The following GLI2 variants were observed in gnomAD, a reference collection of about 807,000 sequenced individuals.
GLI2 encodes the protein transcription activator GLI2.
In GLI2, 22 loss-of-function variants were observed where a neutral mutation model predicts 78.9. The observed-to-expected ratio is 0.28, with a 90% CI of 0.20 to 0.40. The LOEUF (loss-of-function observed/expected upper bound fraction) is 0.40. GLI2 is among the 10% of genes least tolerant of loss of function. The probability of loss-of-function intolerance (pLI) is 1.00; values close to 1 mark genes in which losing one functional copy is unlikely to be tolerated. For missense variants in GLI2, 2,097 were observed against 2,213.2 expected (o/e 0.95, Z 1.05); for synonymous variants, 974 against 963.7 (o/e 1.01, Z -0.20).
At chr2:120,835,058 T>G (rs1360935602) in intron 2 of GLI2, among the ~76,000 whole-genome samples, 3 of 152,144 alleles carry the variant, frequency 2.0e-5, no homozygotes, top group Non-Finnish European at 4.4e-5. Flanking sequence ...ATTGACTGGT[T>G]TTTGACAAAC....
At chr2:120,893,224 T>A (rs916835443) in intron 2 of GLI2, among the ~76,000 whole-genome samples, 1 of 152,218 alleles carries the variant, frequency 6.6e-6, no homozygotes, top group Non-Finnish European at 1.5e-5. Context: ...GTTTTTGTCC[T>A]TGTTGTTGGA....
In GLI2 at chr2:120,907,930, G is replaced by A. The variant is rs1158894667; in HGVS notation, c.149-19431G>A. ...CATGGGAAAGCAATCTTACTATCAG[G>A]AACGATGCAGCTGTGATGGGTGCTG... On this transcript the variant is annotated intron_variant, in intron 2 of 13. Coordinates refer to ENST00000361492, the MANE Select transcript of GLI2 (RefSeq NM_001374353.1). Among the ~76,000 whole-genome samples the A allele has an allele frequency of 3.3e-5, 5 of 152,324 alleles. No individual in the cohort carries two copies. The East Asian group carries it at 9.6e-4, about 29-fold the overall frequency.
intron 2 of GLI2, among the ~76,000 whole-genome samples, chr2:120,850,296 GAGAACAGAAC>G (rs36215027): frequency 5.3e-5 from 8 of 151,146 alleles, no homozygotes; most frequent in Admixed American, 2.0e-4. Context: ...TAGAGAAGGG[GAGAACAGAAC>G]AGAACAGAAC....
chr2:120,951,455 G>T lies in GLI2; in HGVS notation c.457+10G>T, dbSNP rs753222623. On this transcript the variant is annotated intron_variant, in intron 4 of 13. Coordinates refer to ENST00000361492, the MANE Select transcript of GLI2 (RefSeq NM_001374353.1). ...CTCAGCCCCGCTGATGGTGAGTAGG[G>T]TGTGGGGATGGGGAGGGGCAGCTAG... 1.9e-6 allele frequency: 3 copies of T among 1,588,312 alleles called. No individual in the cohort carries two copies. Among genetic ancestry groups the T allele is most frequent in the Non-Finnish European group, 2.6e-6 (3 of 1,159,100 alleles).
At chr2:120,854,118 A>G (rs906202049) in intron 2 of GLI2, among the ~76,000 whole-genome samples, 2 of 152,152 alleles carry the variant, frequency 1.3e-5, no homozygotes, top group African/African-American at 4.8e-5. Flanking sequence ...ACCAGCCAAG[A>G]GTGTAGGAGT....
chr2:120,887,860 C>T (rs553253620), intron 2 of GLI2, among the ~76,000 whole-genome samples: 8 of 152,342 alleles, frequency 5.3e-5, no homozygotes, highest in Non-Finnish European at 8.8e-5. Flanking sequence ...GGGATCCTAA[C>T]GCAGTGCTAG....
intron 2 of GLI2, among the ~76,000 whole-genome samples, chr2:120,924,188 T>A (rs1322801970): frequency 6.6e-6 from 1 of 152,196 alleles, no homozygotes; most frequent in East Asian, 1.9e-4. Flanking sequence ...TGCAGCTTCC[T>A]GGGGTCGCTG....
rs756624713 is a variant in GLI2 at position 120,988,272 on chromosome 2, G to T, written c.2307G>T (p.Pro769=). 5 of 1,568,670 alleles carry T rather than the reference G, an allele frequency of 3.2e-6. No homozygotes were observed. Among genetic ancestry groups the T allele is most frequent in the South Asian group, 1.2e-5 (1 of 86,620 alleles). ...GGGPAGLLPN[P]RLSELSASEV... ...GGCCCGCGGGGCTGCTGCCGAACCCGCGGCTGTCGGAGCTGTCCGCGAGCG... is the reference window on the plus strand; with the variant it reads ...GGCCCGCGGGGCTGCTGCCGAACCCTCGGCTGTCGGAGCTGTCCGCGAGCG... Residue 769 remains proline, a synonymous_variant, in exon 14 of 14, where the codon CCG becomes CCT. Coordinates refer to ENST00000361492, the MANE Select transcript of GLI2 (RefSeq NM_001374353.1).
chr2:120,948,923 C>T (rs1262022765), intron 3 of GLI2, among the ~76,000 whole-genome samples: 1 of 152,164 alleles, frequency 6.6e-6, no homozygotes, highest in African/African-American at 2.4e-5. Flanking sequence ...GGACAGAAGG[C>T]ACCTTAGCTA....
intron 9 of GLI2, 131 bp downstream of exon 9, chr2:120,975,240 TC>T: frequency 1.2e-6 from 1 of 802,612 alleles, no homozygotes; most frequent in South Asian, 1.7e-5. Context: ...CTGGGCCACA[TC>T]CCCTGCAAGT....
At chr2:120,760,311 G>C (rs895066537) in intron 1 of GLI2, among the ~76,000 whole-genome samples, 1 of 152,154 alleles carries the variant, frequency 6.6e-6, no homozygotes, top group Admixed American at 6.5e-5. Context: ...CAGTGGAGTG[G>C]TCTTATGTGG....
chr2:120,786,310 G>A (rs761072042), intron 1 of GLI2, among the ~76,000 whole-genome samples: 2 of 152,118 alleles, frequency 1.3e-5, no homozygotes, highest in East Asian at 1.9e-4. Context: ...ACTTGGTGTC[G>A]GTTGGATCAC....
chr2:120,874,484 GCTTCT>G (rs1418864183), intron 2 of GLI2, among the ~76,000 whole-genome samples: 4 of 152,216 alleles, frequency 2.6e-5, no homozygotes, highest in African/African-American at 9.6e-5. Context: ...AGCCATGCTG[GCTTCT>G]CCCTGCGTCA....
Position 120,760,103 on chromosome 2 carries a change from G to A in GLI2, c.-31+23818G>A, listed in dbSNP as rs140055412. Among the ~76,000 whole-genome samples, 854 of 152,342 alleles carry A rather than the reference G, an allele frequency of 5.6e-3. 6 individuals are homozygous for A. The highest frequency in any genetic ancestry group is 0.019 in the African/African-American group (795 of 41,578). Reference sequence around the variant, plus strand: ...ATCCCCCGGCCTCCCTCCCTGCAGTGTTGGGTAAACCTCCCAGGGGCAGGG... The same window carrying A: ...ATCCCCCGGCCTCCCTCCCTGCAGTATTGGGTAAACCTCCCAGGGGCAGGG... On this transcript the variant is annotated intron_variant, in intron 1 of 13. Coordinates refer to ENST00000361492, the MANE Select transcript of GLI2 (RefSeq NM_001374353.1).
intron 13 of GLI2, among the ~76,000 whole-genome samples, chr2:120,988,007 C>T (rs1179449097): frequency 6.6e-6 from 1 of 152,196 alleles, no homozygotes; most frequent in Non-Finnish European, 1.5e-5. Flanking sequence ...GAGGGAGGAT[C>T]CCTTGAGCCC....
chr2:120,880,040 G>A (rs148461458), intron 2 of GLI2, among the ~76,000 whole-genome samples: 2 of 152,292 alleles, frequency 1.3e-5, no homozygotes, highest in African/African-American at 2.4e-5. Flanking sequence ...CAGAGGTGCC[G>A]CTTCAAGCTG....
At chr2:120,784,028 C>T (rs1022306142) in intron 1 of GLI2, among the ~76,000 whole-genome samples, 3 of 152,148 alleles carry the variant, frequency 2.0e-5, no homozygotes, top group Non-Finnish European at 2.9e-5. Flanking sequence ...TTAAACATCC[C>T]GTTACCAGCT....
At chr2:120,925,408 C>G (rs1410736081) in intron 2 of GLI2, among the ~76,000 whole-genome samples, 1 of 152,040 alleles carries the variant, frequency 6.6e-6, no homozygotes, top group Non-Finnish European at 1.5e-5. Flanking sequence ...TGTGTTCAAC[C>G]CAAGCATCCA....
At chr2:120,743,328 T>G (rs1256193146) in intron 1 of GLI2, among the ~76,000 whole-genome samples, 1 of 152,128 alleles carries the variant, frequency 6.6e-6, no homozygotes. Context: ...CTTTGCTAGT[T>G]AAGACCATCT....
Sources: gnomAD v4.1 joint callset for allele counts (sites outside exome capture counted in the v4.1 genomes callset) on GRCh38, gnomAD v4.1.1 for gene constraint, MANE v1.5 for transcripts, NCBI Gene and HGNC (gene_info 2026-07-23, HGNC 2026-07-21) for gene names.